SFTPC: variants seen among roughly 807,000 people sequenced by gnomAD.
SFTPC encodes BRICHOS domain containing 6.
In SFTPC, 12 loss-of-function variants were observed where a neutral mutation model predicts 19.9. The ratio of observed to expected loss-of-function variants is 0.60; its 90% CI spans 0.39 to 0.98. The LOEUF (loss-of-function observed/expected upper bound fraction) is 0.98. SFTPC is among the 50% of genes least tolerant of loss of function. The pLI, the probability that SFTPC is intolerant of heterozygous loss-of-function variation, is 0.00. For synonymous variants in SFTPC, 123 were observed against 103.3 expected, an observed-to-expected ratio of 1.19 and a Z score of -1.16; for missense variants, 219 against 252.2, an observed-to-expected ratio of 0.87 and a Z score of 0.89.
chr8:22,162,867 C>G, intron 2 of SFTPC, 135 bp downstream of exon 2: 2 of 1,374,512 alleles, frequency 1.5e-6, no homozygotes, highest in Non-Finnish European at 2.0e-6. Flanking sequence ...GAAAGAGGCA[C>G]GAACCAGGCA....
rs1410884781 is a variant in SFTPC, at chr8:22,163,502, A to C, written c.391A>C (p.Ile131Leu). The C allele has an allele frequency of 1.9e-6, 3 of 1,613,864 alleles. No individual in the cohort carries two copies. In the Admixed American group the frequency reaches 5.0e-5, roughly 27 times the overall value. ...CYIMKIAPES[I>L]PSLEALTRKV... is the part of the protein sequence containing the mutation. ...CATCATGAAGATAGCTCCAGAGAGC[A>C]TCCCCAGTCTTGAGGCTCTCACTAG... Residue 131 changes from isoleucine to leucine, a missense_variant, in exon 4 of 6, where the codon ATC (isoleucine) becomes CTC (leucine). Ile to Leu is a conservative substitution (Grantham distance 5). Transcript: ENST00000679463.
At chr8:22,159,734 C>T (rs1827637862), upstream of SFTPC, 2 of 1,276,160 alleles carry the variant, frequency 1.6e-6, no homozygotes, top group South Asian at 1.2e-5. Flanking sequence ...ACAGTGCCTG[C>T]TAAGAACAAG....
In SFTPC at chr8:22,164,413, G is replaced by T; in HGVS notation, c.*166G>T. On this transcript the variant is annotated 3_prime_UTR_variant, in exon 6 of 6. Coordinates refer to ENST00000679463, the MANE Select transcript of SFTPC (RefSeq NM_001317778.2). ...CTTGGGGAGAGGATGGGAGTGGGCA[G>T]AGGTGGCGCCCAGGGGCCCGGGAAC... 6.6e-7 allele frequency: 1 copy of T among 1,512,608 alleles called. No homozygotes were observed. The highest frequency in any genetic ancestry group is 8.8e-7 in the Non-Finnish European group (1 of 1,137,184). 93.7% of individuals were successfully genotyped at this position (1,512,608 alleles called of 1,614,324 possible). A position where few individuals can be genotyped will look rare whatever the true frequency, so the allele number is the denominator to read the frequency against.
rs1252539098 is a variant in SFTPC, at chr8:22,163,998, C to T, written c.533C>T (p.Ala178Val). Residue 178 changes from alanine to valine, a missense_variant, in exon 5 of 6, where the codon GCC becomes GTC. Transcript: ENST00000679463. ...SGGDPAFLGM[A>V]VSTLCGEVPL... ...GGGGACCCGGCCTTCCTGGGCATGG[C>T]CGTGAGCACCCTGTGTGGCGAGGTG... 3 of 1,612,534 alleles carry T rather than the reference C, an allele frequency of 1.9e-6. No individual in the cohort carries two copies. Among genetic ancestry groups the T allele is most frequent in the Non-Finnish European group, 2.5e-6 (3 of 1,180,026 alleles).
At chr8:22,158,689 G>A (rs1388735132), upstream of SFTPC, 5 of 152,228 alleles carry the variant, frequency 3.3e-5, no homozygotes, top group Non-Finnish European at 2.9e-5. Flanking sequence ...GAGGTGGACA[G>A]CTAGTACCTG....
Position 22,163,167 on chromosome 8 carries a change from G to A in SFTPC, c.289G>A (p.Gly97Ser), listed in dbSNP as rs927644577. ...GGTTACCACTGCCACCTTCTCCATC[G>A]GCTCCACTGGCCTCGTGGTGTATGA... ...HLVTTATFSI[G>S]STGLVVYDYQ... The change falls in exon 3 of 6, where the codon GGC becomes AGC. Residue 97 changes from glycine (G) to serine (S), a missense_variant. Gly to Ser is a moderately conservative substitution (Grantham distance 56). Transcript: ENST00000679463. The A allele has an allele frequency of 1.1e-5, 18 of 1,614,058 alleles. No homozygotes were observed. The highest frequency in any genetic ancestry group is 2.7e-5 in the African/African-American group (2 of 74,930).
upstream of SFTPC, among the ~76,000 whole-genome samples, chr8:22,159,249 T>C (rs1286835725): frequency 6.6e-6 from 1 of 152,206 alleles, no homozygotes; most frequent in African/African-American, 2.4e-5. Context: ...ATTGCACCAC[T>C]GCACTGCAGC....
Position 22,161,835 on chromosome 8 carries a change from G to A in SFTPC, c.7G>A (p.Val3Met), listed in dbSNP as rs1827735137. The A allele has an allele frequency of 6.2e-7, 1 of 1,614,140 alleles. No individual in the cohort carries two copies. Among genetic ancestry groups the A allele is most frequent in the Non-Finnish European group, 8.5e-7 (1 of 1,180,034 alleles). Residue 3 changes from valine (V) to methionine (M), a missense_variant, in exon 1 of 6, where the codon GTG (valine) becomes ATG (methionine). By Grantham distance (21) the Val-to-Met change is conservative (BLOSUM62 1). Transcript: ENST00000679463. ...GCATAGCACCTGCAGCAAGATGGAT[G>A]TGGGCAGCAAAGAGGTCCTGATGGA... MD[V>M]GSKEVLMESP...
chr8:22,162,519 G>T, intron 1 of SFTPC, 55 bp from the exon 2 acceptor site: 1 of 1,595,698 alleles, frequency 6.3e-7, no homozygotes, highest in Non-Finnish European at 8.6e-7. Context: ...ATAGGGAGAA[G>T]AGGGGACAGC....
Position 22,163,219 on chromosome 8 carries a change from C to G in SFTPC, c.324+17C>G. ...TACCAGCAGGTGGGTATGCCCAGAC[C>G]TCCTGACCCTGGGACCAATGACAAG... On this transcript the variant is annotated intron_variant, in intron 3 of 5. Transcript: ENST00000679463. 1 of 1,614,122 alleles carries G rather than the reference C, an allele frequency of 6.2e-7. No individual in the cohort carries two copies. Among genetic ancestry groups the G allele is most frequent in the Non-Finnish European group, 8.5e-7 (1 of 1,180,006 alleles).
At chr8:22,163,777 CCT>C (rs1827884888) in intron 4 of SFTPC, 122 bp from the exon 5 acceptor site, 1 of 983,262 alleles carries the variant, frequency 1.0e-6, no homozygotes, top group Middle Eastern at 2.0e-4. Context: ...TAGCACAGCC[CCT>C]CTTTACTGAT....
In SFTPC at chr8:22,163,514, GAGGCT is replaced by G. The variant is rs751323841; in HGVS notation, c.404_408del (p.Glu135AlafsTer3). 1.9e-6 allele frequency: 3 copies of G among 1,613,718 alleles called. No homozygotes were observed. The highest frequency in any genetic ancestry group is 2.5e-6 in the Non-Finnish European group (3 of 1,179,882). On this transcript the variant is annotated frameshift_variant, in exon 4 of 6. Coordinates refer to ENST00000679463, the MANE Select transcript of SFTPC (RefSeq NM_001317778.2). LOFTEE classifies it high-confidence loss of function. ...AGCTCCAGAGAGCATCCCCAGTCTT[GAGGCT>G]CTCACTAGAAAAGTCCACAACTTCC... is the stretch of plus-strand genomic sequence containing the variant.
At chr8:22,162,521 G>A in intron 1 of SFTPC, 53 bp from the exon 2 acceptor site, 5 of 1,600,872 alleles carry the variant, frequency 3.1e-6, no homozygotes, top group Middle Eastern at 4.3e-4. Flanking sequence ...AGGGAGAAGA[G>A]GGGACAGCCT....
At position 22,162,645 on chromosome 8, in the gene SFTPC, CGTG is replaced by C. The variant is rs752666425; in HGVS notation, c.129_131del (p.Val44del). 44 of 1,612,982 alleles carry C rather than the reference CGTG, an allele frequency of 2.7e-5. No individual in the cohort carries two copies. Among genetic ancestry groups the C allele is most frequent in the South Asian group, 2.0e-4 (18 of 91,076 alleles). ...CAGTGCACCTGAAACGCCTTCTTATCGTGGTGGTGGTGGTGGTCCTCATCGTCG... is the reference window on the plus strand; with the variant it reads ...CAGTGCACCTGAAACGCCTTCTTATCGTGGTGGTGGTGGTCCTCATCGTCG... On this transcript the variant is annotated inframe_deletion, in exon 2 of 6. Coordinates refer to ENST00000679463, the MANE Select transcript of SFTPC (RefSeq NM_001317778.2).
intron 4 of SFTPC, 77 bp downstream of exon 4, chr8:22,163,623 T>C: frequency 2.0e-6 from 2 of 1,015,940 alleles, no homozygotes; most frequent in Non-Finnish European, 3.1e-6. Context: ...TGGTGGCTAT[T>C]TGTCACCTGT....
chr8:22,159,577 A>G, upstream of SFTPC: 1 of 380,112 alleles, frequency 2.6e-6, no homozygotes, highest in South Asian at 2.0e-5. Context: ...GAAGGAGAAG[A>G]AGCAGCAGCA....
Position 22,163,070 on chromosome 8 carries a change from C to G in SFTPC, c.202-10C>G. 1 of 1,613,962 alleles carries G rather than the reference C, an allele frequency of 6.2e-7. No individual in the cohort carries two copies. The highest frequency in any genetic ancestry group is 1.1e-5 in the South Asian group (1 of 91,062). On this transcript the variant is annotated splice_polypyrimidine_tract_variant and intron_variant, in intron 2 of 5. Coordinates refer to ENST00000679463, the MANE Select transcript of SFTPC (RefSeq NM_001317778.2). ...GGGGAAGACCAGGTGGCTCCATGCCCTTTCCCCAGGTTCTGGAGATGAGCA... is the reference window on the plus strand; with the variant it reads ...GGGGAAGACCAGGTGGCTCCATGCCGTTTCCCCAGGTTCTGGAGATGAGCA...
At position 22,163,354 on chromosome 8, in the gene SFTPC, C is replaced by A. The variant is rs1388244982; in HGVS notation, c.325-82C>A. 5 of 1,502,814 alleles carry A rather than the reference C, an allele frequency of 3.3e-6. No homozygotes were observed. The Admixed American group carries it at 5.2e-5, about 16-fold the overall frequency. The allele number at this position is 1,502,814 out of a possible 1,614,324, so 93.1% of individuals were successfully genotyped here. A position where few individuals can be genotyped will look rare whatever the true frequency, so the allele number is the denominator to read the frequency against. ...TTCTAGTATGACTCCCGTGCCCAAC[C>A]TAGAGGGAGGTGGCTAAGGACCTGG... On this transcript the variant is annotated intron_variant, in intron 3 of 5. Transcript: ENST00000679463.
upstream of SFTPC, among the ~76,000 whole-genome samples, chr8:22,158,003 A>C (rs1272706988): frequency 1.3e-5 from 2 of 152,240 alleles, no homozygotes; most frequent in Non-Finnish European, 2.9e-5. Flanking sequence ...AGGGGTCCTG[A>C]AAACAAAAAG....
Sources: allele counts gnomAD v4.1 joint callset (sites outside exome capture counted in the v4.1 genomes callset), GRCh38; gene constraint gnomAD v4.1.1; transcripts MANE v1.5; gene names NCBI Gene and HGNC (gene_info 2026-07-23, HGNC 2026-07-21).